CAMSAP3: variants seen among roughly 807,000 people sequenced by gnomAD.
The protein encoded by CAMSAP3 is calmodulin-regulated spectrin-associated protein 3.
A neutral mutation model predicts 112.5 loss-of-function variants in CAMSAP3; 34 were observed. The observed-to-expected ratio is 0.30, with a 90% CI of 0.23 to 0.40. The LOEUF is 0.40. Among genes scored for constraint, CAMSAP3 ranks in the 10% least tolerant of loss-of-function variants. CAMSAP3 has a pLI of 1.00. For synonymous variants in CAMSAP3, 868 were observed against 799.8 expected, an observed-to-expected ratio of 1.09 and a Z score of -1.44; for missense variants, 1,602 against 1,770.3, an observed-to-expected ratio of 0.90 and a Z score of 1.71.
chr19:7,617,226 A>C lies in CAMSAP3; in HGVS notation c.3213-100A>C, dbSNP rs794077. The C allele has an allele frequency of 0.64, 538,381 of 837,424 alleles. 177,057 individuals are homozygous for C. Among genetic ancestry groups the C allele is most frequent in the African/African-American group, 0.87 (52,056 of 59,768 alleles). The allele number at this position is 837,424 out of a possible 1,614,324, so 51.9% of individuals were successfully genotyped here. A position where few individuals can be genotyped will look rare whatever the true frequency, so the allele number is the denominator to read the frequency against. On this transcript the variant is annotated intron_variant, in intron 14 of 16. Coordinates refer to ENST00000160298, the MANE Select transcript of CAMSAP3 (RefSeq NM_020902.2). The surrounding 1 kb of genome is among the most constrained non-coding windows in gnomAD (Gnocchi z 7.5). ...GCCACGATGCCCAGCCGTGGCCCTT[A>C]TTTTCCTTGGCCCCTCTGCACATAG...
chr19:7,596,611 C>G (rs1235134268), intron 1 of CAMSAP3, among the ~76,000 whole-genome samples: 3 of 152,138 alleles, frequency 2.0e-5, no homozygotes, highest in Admixed American at 2.0e-4. Context: ...CCCGACCTCG[C>G]TGGGGGGTCT....
At position 7,610,427 on chromosome 19, in the gene CAMSAP3, C is replaced by A; in HGVS notation, c.761-49C>A. On this transcript the variant is annotated intron_variant, in intron 5 of 16. Coordinates refer to ENST00000160298, the MANE Select transcript of CAMSAP3 (RefSeq NM_020902.2). This position sits in a 1 kb window ranked among gnomAD's most constrained non-coding sequence, Gnocchi z 4.9. ...GCTGGTCCCTGGCTTCCCTGGGGCCCCATCCTCCTCCTCATAGAGTTGGGG... is the reference window on the plus strand; with the variant it reads ...GCTGGTCCCTGGCTTCCCTGGGGCCACATCCTCCTCCTCATAGAGTTGGGG... 1.3e-6 allele frequency: 2 copies of A among 1,558,948 alleles called. No homozygotes were observed. Among genetic ancestry groups the A allele is most frequent in the Non-Finnish European group, 1.7e-6 (2 of 1,152,322 alleles).
chr19:7,617,434 C>T lies in CAMSAP3; in HGVS notation c.3321C>T (p.Tyr1107=), dbSNP rs2030868791. The T allele has an allele frequency of 6.2e-7, 1 of 1,613,784 alleles. No homozygotes were observed. The highest frequency in any genetic ancestry group is 8.5e-7 in the Non-Finnish European group (1 of 1,179,738). ...CCTCCCCAGCGTCAGTGCCCGAGTA[C>T]ACAGGTAAGCAGGGGCTCTGGGTGA... is the stretch of plus-strand genomic sequence containing the variant. The part of the protein sequence containing the change: ...NASSPASVPE[Y]TGPRLYKEPS... The change falls in exon 15 of 17, where the codon TAC becomes TAT. Residue 1107 remains tyrosine, a synonymous_variant. Transcript: ENST00000160298. This position sits in a 1 kb window ranked among gnomAD's most constrained non-coding sequence, Gnocchi z 7.5.
At chr19:7,616,489 C>G in intron 13 of CAMSAP3, 34 bp from the exon 14 acceptor site, 1 of 1,468,762 alleles carries the variant, frequency 6.8e-7, no homozygotes. Context: ...GCAGGGGCTT[C>G]TGGTGGGCAC....
Position 7,605,368 on chromosome 19 carries a change from A to AC in CAMSAP3, c.297dup (p.Asn100GlnfsTer43), listed in dbSNP as rs760988517. 1 of 1,585,882 alleles carries AC rather than the reference A, an allele frequency of 6.3e-7. No homozygotes were observed. Among genetic ancestry groups the AC allele is most frequent in the Non-Finnish European group, 8.6e-7 (1 of 1,163,380 alleles). On this transcript the variant is annotated frameshift_variant, in exon 2 of 17. Coordinates refer to ENST00000160298, the MANE Select transcript of CAMSAP3 (RefSeq NM_020902.2). LOFTEE classifies it high-confidence loss of function. ...GCCAGGCACTGCCACAGCTTGAAAC[A>AC]CCCCCCAACCCCTCTGCACTGCTGG...
chr19:7,608,526 C>T (rs777325480), intron 5 of CAMSAP3, among the ~76,000 whole-genome samples: 8 of 152,104 alleles, frequency 5.3e-5, no homozygotes, highest in Non-Finnish European at 7.3e-5. Flanking sequence ...GGACTGTGTG[C>T]CAGACCTTGT....
In CAMSAP3 at chr19:7,612,555, C is replaced by A. The variant is rs767865530; in HGVS notation, c.2062C>A (p.Leu688Met). The A allele has an allele frequency of 3.7e-5, 57 of 1,535,810 alleles. No homozygotes were observed. The highest frequency in any genetic ancestry group is 3.0e-4 in the South Asian group (25 of 84,022). The change falls in exon 11 of 17, where the codon CTG (leucine) becomes ATG (methionine). Residue 688 changes from leucine to methionine, a missense_variant. Transcript: ENST00000160298. ...CAAGGCAGTGACCTTCTCGCCAGAC[C>A]TGGGCCCGGTGCCCCACGAGGGGCT... ...RPKAVTFSPD[L>M]GPVPHEGLGE...
At chr19:7,614,886 T>C in intron 11 of CAMSAP3, 2 of 524,408 alleles carry the variant, frequency 3.8e-6, no homozygotes, top group Non-Finnish European at 6.9e-6. Flanking sequence ...CCTCCCGCAG[T>C]GTAGAGTGTC....
In CAMSAP3 at chr19:7,596,062, G is replaced by C. The variant is rs770852371; in HGVS notation, c.60G>C (p.Glu20Asp). The change falls in exon 1 of 17, where the codon GAG becomes GAC. Residue 20 changes from glutamate (E) to aspartate (D), a missense_variant. By Grantham distance (45) the Glu-to-Asp change is conservative. This residue lies in a region of CAMSAP3 where 147 missense variants were observed against 144.6 expected (regional missense o/e 1.02). Transcript: ENST00000160298. ...GPLRRTFLVPEIKSLDQYDFS... is the reference protein window; with the variant it reads ...GPLRRTFLVPDIKSLDQYDFS... ...TGCGGAGGACCTTTCTAGTGCCCGA[G>C]ATCAAGTCGCTGGACCAGTACGATT... is the stretch of plus-strand genomic sequence containing the variant. 2 of 1,282,646 alleles carry C rather than the reference G, an allele frequency of 1.6e-6. No homozygotes were observed. The highest frequency in any genetic ancestry group is 5.0e-5 in the Admixed American group (2 of 39,744). 79.5% of individuals were successfully genotyped at this position (1,282,646 alleles called of 1,614,324 possible).
chr19:7,611,447 C>T lies in CAMSAP3; in HGVS notation c.1124-70C>T, dbSNP rs997557064. On this transcript the variant is annotated intron_variant, in intron 9 of 16. Coordinates refer to ENST00000160298, the MANE Select transcript of CAMSAP3 (RefSeq NM_020902.2). The surrounding 1 kb of genome is among the most constrained non-coding windows in gnomAD (Gnocchi z 6.9). ...CACCCAATGACCTTGCAGAGGTTGT[C>T]CCCAGATGCTGGCTGACCCCACTCA... 3.5e-5 allele frequency: 51 copies of T among 1,439,520 alleles called. No homozygotes were observed. Among genetic ancestry groups the T allele is most frequent in the Admixed American group, 1.4e-4 (7 of 49,060 alleles). The allele number at this position is 1,439,520 out of a possible 1,614,324, so 89.2% of individuals were successfully genotyped here. A position where few individuals can be genotyped will look rare whatever the true frequency, so the allele number is the denominator to read the frequency against.
chr19:7,595,989 G>A lies in CAMSAP3; in HGVS notation c.-14G>A, dbSNP rs1432854283. 3 of 1,075,896 alleles carry A rather than the reference G, an allele frequency of 2.8e-6. No homozygotes were observed. The highest frequency in any genetic ancestry group is 3.5e-5 in the African/African-American group (2 of 57,454). 66.6% of individuals were successfully genotyped at this position (1,075,896 alleles called of 1,614,324 possible). A position where few individuals can be genotyped will look rare whatever the true frequency, so the allele number is the denominator to read the frequency against. ...TCCGAGCGCGGACCCGGCGCCCGCA[G>A]CCCCGGCGCCGCCATGGTGGAGGCG... On this transcript the variant is annotated 5_prime_UTR_variant, in exon 1 of 17. Transcript: ENST00000160298.
rs1421570313 is a variant in CAMSAP3 at position 7,615,526 on chromosome 19, G to C, written c.2919G>C (p.Arg973=). ...RAPAEEEVGP[R]KGDFTRQEYE... is the part of the protein sequence containing the mutation. ...CAGCCGAGGAGGAGGTGGGCCCCCGGAAGGGGGACTTCACGCGGCAGGAGT... is the reference window on the plus strand; with the variant it reads ...CAGCCGAGGAGGAGGTGGGCCCCCGCAAGGGGGACTTCACGCGGCAGGAGT... Residue 973 remains arginine (R), a synonymous_variant, in exon 13 of 17, where the codon CGG becomes CGC. Transcript: ENST00000160298. The surrounding 1 kb of genome is among the most constrained non-coding windows in gnomAD (Gnocchi z 6.5). The C allele has an allele frequency of 2.6e-6, 4 of 1,535,196 alleles. No individual in the cohort carries two copies. The highest frequency in any genetic ancestry group is 2.5e-5 in the East Asian group (1 of 40,614).
chr19:7,609,176 G>T (rs1275334274), intron 5 of CAMSAP3, among the ~76,000 whole-genome samples: 9 of 151,918 alleles, frequency 5.9e-5, no homozygotes, highest in Admixed American at 5.9e-4. Flanking sequence ...AAATTAGCCG[G>T]GTGCGGTGGC....
intron 13 of CAMSAP3, 115 bp from the exon 14 acceptor site, chr19:7,616,408 C>T (rs143348249): frequency 2.0e-5 from 15 of 764,394 alleles, no homozygotes; most frequent in African/African-American, 1.9e-4. Flanking sequence ...TGCAGAGGGC[C>T]GAGGGGTCTT....
In CAMSAP3 at chr19:7,611,800, GC is replaced by G; in HGVS notation, c.1313del (p.Pro438ArgfsTer125). On this transcript the variant is annotated frameshift_variant, in exon 11 of 17. Coordinates refer to ENST00000160298, the MANE Select transcript of CAMSAP3 (RefSeq NM_020902.2). LOFTEE classifies it high-confidence loss of function. This position sits in a 1 kb window ranked among gnomAD's most constrained non-coding sequence, Gnocchi z 6.9. ...LLRSVSSDSLGPPRPAPARTP... is the reference protein window; with the variant it reads ...LLRSVSSDSLXPPRPAPARTP... ...CGCTCTGTGAGCTCGGACAGCCTGG[GC>G]CCCCCGCGTCCCGCGCCGGCCAGGA... The G allele has an allele frequency of 2.5e-6, 4 of 1,596,152 alleles. No individual in the cohort carries two copies. Among genetic ancestry groups the G allele is most frequent in the Non-Finnish European group, 2.6e-6 (3 of 1,172,042 alleles).
rs2146179653 is a variant in CAMSAP3, at chr19:7,617,931, C to T, written c.3624C>T (p.Arg1208=). ...VEGIYKYNSD[R]KRFTQIPAKT... is the part of the protein sequence containing the mutation. ...GCATCTACAAGTACAACTCGGACCG[C>T]AAGCGCTTCACCCAGATCCCCGCCA... Residue 1208 remains arginine, a synonymous_variant, in exon 17 of 17, where the codon CGC becomes CGT. Coordinates refer to ENST00000160298, the MANE Select transcript of CAMSAP3 (RefSeq NM_020902.2). This position sits in a 1 kb window ranked among gnomAD's most constrained non-coding sequence, Gnocchi z 7.5. The T allele has an allele frequency of 6.2e-7, 1 of 1,614,146 alleles. No individual in the cohort carries two copies. Among genetic ancestry groups the T allele is most frequent in the East Asian group, 2.2e-5 (1 of 44,882 alleles).
rs771087474 is a variant in CAMSAP3, at chr19:7,610,850, C to T, written c.995-27C>T. ...GGGGCGGGTGGGAGAGCCAAACCCCCGCCTGACCCTCTTCTCTGTACTGCA... is the reference window on the plus strand; with the variant it reads ...GGGGCGGGTGGGAGAGCCAAACCCCTGCCTGACCCTCTTCTCTGTACTGCA... On this transcript the variant is annotated intron_variant, in intron 7 of 16. Coordinates refer to ENST00000160298, the MANE Select transcript of CAMSAP3 (RefSeq NM_020902.2). The surrounding 1 kb of genome is among the most constrained non-coding windows in gnomAD (Gnocchi z 4.9). 47 of 1,609,240 alleles carry T rather than the reference C, an allele frequency of 2.9e-5. No individual in the cohort carries two copies. Among genetic ancestry groups the T allele is most frequent in the Middle Eastern group, 2.1e-4 (1 of 4,840 alleles).
intron 1 of CAMSAP3, among the ~76,000 whole-genome samples, chr19:7,599,767 C>A (rs188406290): frequency 0.026 from 2,858 of 109,998 alleles, 122 homozygotes; most frequent in African/African-American, 0.051. Context: ...ACTCATCCAT[C>A]CACCCACTCA....
At chr19:7,596,453 T>TGGG (rs1478443346) in intron 1 of CAMSAP3, among the ~76,000 whole-genome samples, 1 of 151,638 alleles carries the variant, frequency 6.6e-6, no homozygotes, top group Non-Finnish European at 1.5e-5. Flanking sequence ...GCGGGCCGGG[T>TGGG]GGGGTCTCCC....
Sources: allele counts gnomAD v4.1 joint callset (sites outside exome capture counted in the v4.1 genomes callset), GRCh38; gene constraint gnomAD v4.1.1; regional missense constraint gnomAD v4.1.1; non-coding constraint Gnocchi (gnomAD v3.1); transcripts MANE v1.5; gene names NCBI Gene and HGNC (gene_info 2026-07-23, HGNC 2026-07-21).